KLF12: variants seen among roughly 807,000 people sequenced by gnomAD.
KLF12 encodes the protein KLF transcription factor 12, also known as Krueppel-like factor 12.
A neutral mutation model predicts 37.8 loss-of-function variants in KLF12; 9 were observed. The observed-to-expected ratio is 0.24, with a 90% CI of 0.14 to 0.42. KLF12 has a LOEUF of 0.42. KLF12 is among the 10% of genes least tolerant of loss of function. The pLI is 1.00. For synonymous variants in KLF12, 208 were observed against 202.1 expected (o/e 1.03, Z -0.25); for missense variants, 411 against 516.0 (o/e 0.80, Z 1.97).
chr13:73,869,057 CT>C (rs2138859653), intron 3 of KLF12, among the ~76,000 whole-genome samples: 1 of 152,194 alleles, frequency 6.6e-6, no homozygotes, highest in East Asian at 1.9e-4. Flanking sequence ...TTACATATAT[CT>C]GTGTTTACTT....
the KLF12 span, among the ~76,000 whole-genome samples, chr13:74,150,664 C>G: frequency 6.6e-6 from 1 of 152,140 alleles, no homozygotes; most frequent in African/African-American, 2.4e-5. Context: ...TCTGAATTCC[C>G]AGCGTCAGTA....
At chr13:74,186,277 T>C in the KLF12 span, among the ~76,000 whole-genome samples, 1 of 152,182 alleles carries the variant, frequency 6.6e-6, no homozygotes, top group Non-Finnish European at 1.5e-5. Context: ...TCATTTTAGC[T>C]TACAATTGTA....
chr13:74,003,835 C>T (rs1056405518), intron 1 of KLF12, among the ~76,000 whole-genome samples: 3 of 151,990 alleles, frequency 2.0e-5, no homozygotes, highest in Admixed American at 6.6e-5. Context: ...ACAAATACTC[C>T]AAAAAATTAA....
intron 1 of KLF12, among the ~76,000 whole-genome samples, chr13:74,050,026 T>G (rs527565579): frequency 6.6e-6 from 1 of 152,182 alleles, no homozygotes; most frequent in African/African-American, 2.4e-5. Context: ...AGGACTTACG[T>G]TTACAGAATG....
At chr13:74,044,967 C>T (rs1299181599) in intron 1 of KLF12, among the ~76,000 whole-genome samples, 1 of 151,806 alleles carries the variant, frequency 6.6e-6, no homozygotes, top group Non-Finnish European at 1.5e-5. Context: ...TCCATGAATC[C>T]ACACTGATAT....
the KLF12 span, among the ~76,000 whole-genome samples, chr13:74,175,358 C>G: frequency 6.6e-6 from 1 of 152,140 alleles, no homozygotes; most frequent in Non-Finnish European, 1.5e-5. Flanking sequence ...GTCCCACTGT[C>G]CTTTTCAGCA....
Position 73,719,292 on chromosome 13 carries a change from G to A in KLF12, c.870-3767C>T, listed in dbSNP as rs571870551. 7.9e-5 allele frequency among the ~76,000 whole-genome samples: 12 copies of A among 152,208 alleles called. No homozygotes were observed. In the South Asian group the frequency reaches 2.1e-3, roughly 26 times the overall value. Reference sequence around the variant, plus strand: ...TCCCCAGCATATATCCACAGTCGGCGGGCACTGCAAGTGGACGACAACCGT... The same window carrying A: ...TCCCCAGCATATATCCACAGTCGGCAGGCACTGCAAGTGGACGACAACCGT... On this transcript the variant is annotated intron_variant, in intron 6 of 7. Coordinates refer to ENST00000377669, the MANE Select transcript of KLF12 (RefSeq NM_007249.5).
chr13:74,106,183 AG>A (rs1188290643), intron 1 of KLF12, among the ~76,000 whole-genome samples: 1 of 152,220 alleles, frequency 6.6e-6, no homozygotes, highest in Admixed American at 6.5e-5. Context: ...ACCTGTAAAC[AG>A]GAAATGCTTG....
At chr13:73,971,485 T>C (rs1297655130) in intron 2 of KLF12, among the ~76,000 whole-genome samples, 2 of 151,982 alleles carry the variant, frequency 1.3e-5, no homozygotes, top group Non-Finnish European at 2.9e-5. Context: ...ATCACTCTTT[T>C]CCAGTTTAAG....
chr13:74,106,672 G>C (rs1180689023), intron 1 of KLF12, among the ~76,000 whole-genome samples: 4 of 152,158 alleles, frequency 2.6e-5, no homozygotes, highest in Non-Finnish European at 4.4e-5. Flanking sequence ...TAACTGCCTA[G>C]AAAACAGATG....
intron 5 of KLF12, among the ~76,000 whole-genome samples, chr13:73,771,804 G>C (rs191563346): frequency 5.6e-4 from 85 of 152,340 alleles, no homozygotes; most frequent in African/African-American, 2.0e-3. Context: ...AATTCAAACT[G>C]TGAAATACCA....
chr13:73,725,591 T>C (rs1876599515), intron 6 of KLF12, among the ~76,000 whole-genome samples: 1 of 145,040 alleles, frequency 6.9e-6, no homozygotes, highest in South Asian at 2.2e-4. Flanking sequence ...ATAATATCTT[T>C]AAGGAAAAAA....
At chr13:74,302,523 A>G in the KLF12 span, among the ~76,000 whole-genome samples, 2 of 152,160 alleles carry the variant, frequency 1.3e-5, no homozygotes, top group African/African-American at 4.8e-5. Context: ...GGCCATGAGG[A>G]AACTTACAGA....
intron 3 of KLF12, among the ~76,000 whole-genome samples, chr13:73,936,638 C>T (rs544577042): frequency 1.1e-4 from 17 of 152,262 alleles, no homozygotes; most frequent in Non-Finnish European, 2.2e-4. Flanking sequence ...ACCCTGTCTG[C>T]TTAGCTCAGT....
intron 2 of KLF12, among the ~76,000 whole-genome samples, chr13:73,978,651 T>A (rs2138161706): frequency 6.6e-6 from 1 of 152,326 alleles, no homozygotes; most frequent in Non-Finnish European, 1.5e-5. Context: ...AATGATCTAG[T>A]AATCTTACTC....
intron 1 of KLF12, among the ~76,000 whole-genome samples, chr13:74,015,022 T>G (rs1284282569): frequency 6.6e-6 from 1 of 152,170 alleles, no homozygotes; most frequent in African/African-American, 2.4e-5. Flanking sequence ...TACCTTTTCA[T>G]GATCATAGCT....
intron 4 of KLF12, among the ~76,000 whole-genome samples, chr13:73,819,477 T>C (rs1029079977): frequency 1.3e-5 from 2 of 152,170 alleles, no homozygotes; most frequent in Non-Finnish European, 2.9e-5. Flanking sequence ...AGAACACATA[T>C]TGGATAATAT....
Position 73,771,776 on chromosome 13 carries a change from T to C in KLF12, c.807-6776A>G, listed in dbSNP as rs956821236. 4.6e-5 allele frequency among the ~76,000 whole-genome samples: 7 copies of C among 152,314 alleles called. No individual in the cohort carries two copies. The South Asian group carries it at 8.3e-4, about 18-fold the overall frequency. The stretch of plus-strand genomic sequence containing the variant: ...AAGAGATTTCAAATTTCATAAAAGT[T>C]AAAACAGGGTTAGAATGAATTCAAA... On this transcript the variant is annotated intron_variant, in intron 5 of 7. Transcript: ENST00000377669.
At chr13:74,240,195 AC>A in the KLF12 span, among the ~76,000 whole-genome samples, 3 of 150,504 alleles carry the variant, frequency 2.0e-5, no homozygotes, top group African/African-American at 7.3e-5. Context: ...TTTTTCCTTC[AC>A]TTATGAAGCT....
Sources: allele counts gnomAD v4.1 joint callset (sites outside exome capture counted in the v4.1 genomes callset), GRCh38; gene constraint gnomAD v4.1.1; transcripts MANE v1.5; gene names NCBI Gene and HGNC (gene_info 2026-07-23, HGNC 2026-07-21).